UNC13C: variants seen among roughly 807,000 people sequenced by gnomAD.
The protein encoded by UNC13C is unc-13 homolog C.
Under a neutral mutation model 245.4 loss-of-function variants are expected in UNC13C, and 174 were observed. The ratio of observed to expected loss-of-function variants is 0.71; its 90% CI spans 0.63 to 0.80. UNC13C has a LOEUF of 0.80. Among genes scored for constraint, UNC13C ranks in the 30% least tolerant of loss-of-function variants. The pLI is 0.00. For synonymous variants in UNC13C, 992 were observed against 895.1 expected, an observed-to-expected ratio of 1.11 and a Z score of -1.93; for missense variants, 2,829 against 2,602.9, an observed-to-expected ratio of 1.09 and a Z score of -1.89.
the UNC13C span, among the ~76,000 whole-genome samples, chr15:53,960,536 A>T: frequency 6.6e-6 from 1 of 152,076 alleles, no homozygotes; most frequent in Non-Finnish European, 1.5e-5. Context: ...TGTACATATG[A>T]ATTATGACAA....
At chr15:54,477,569 T>C (rs1241784218) in intron 19 of UNC13C, among the ~76,000 whole-genome samples, 1 of 114,066 alleles carries the variant, frequency 8.8e-6, no homozygotes, top group African/African-American at 3.2e-5. Flanking sequence ...GAGATAATCA[T>C]GTGGTTTTTG....
intron 27 of UNC13C, among the ~76,000 whole-genome samples, chr15:54,548,761 A>G (rs894554918): frequency 1.1e-4 from 16 of 152,164 alleles, no homozygotes; most frequent in African/African-American, 2.7e-4. Flanking sequence ...AAAGCTTACC[A>G]TCACCTAAAA....
In UNC13C at chr15:54,178,037, T is replaced by A. The variant is rs546420540; in HGVS notation, c.3071+34353T>A. On this transcript the variant is annotated intron_variant, in intron 4 of 32. Transcript: ENST00000260323. ...ATTTTTTATAAAAATAAAAACACTATACCCTACTTTCCTCTATCTTTCCCT... is the reference window on the plus strand; with the variant it reads ...ATTTTTTATAAAAATAAAAACACTAAACCCTACTTTCCTCTATCTTTCCCT... Among the ~76,000 whole-genome samples, 3 of 152,310 alleles carry A rather than the reference T, an allele frequency of 2.0e-5. No homozygotes were observed. The South Asian group carries it at 6.2e-4, about 32-fold the overall frequency.
chr15:53,903,064 G>A, the UNC13C span, among the ~76,000 whole-genome samples: 2 of 152,164 alleles, frequency 1.3e-5, no homozygotes, highest in Non-Finnish European at 2.9e-5. Context: ...ATAAAGACAA[G>A]ATAATGCCAA....
At chr15:54,189,047 A>T (rs2034091309) in intron 4 of UNC13C, among the ~76,000 whole-genome samples, 1 of 152,188 alleles carries the variant, frequency 6.6e-6, no homozygotes, top group Admixed American at 6.5e-5. Flanking sequence ...ATTCTCCTAC[A>T]AAAGTCAACT....
At chr15:54,404,959 T>C (rs2040262855) in intron 18 of UNC13C, among the ~76,000 whole-genome samples, 1 of 152,186 alleles carries the variant, frequency 6.6e-6, no homozygotes, top group Non-Finnish European at 1.5e-5. Context: ...ACCTAGTAAG[T>C]ACAAATATAA....
intron 30 of UNC13C, among the ~76,000 whole-genome samples, chr15:54,611,041 A>T (rs1366635091): frequency 6.6e-6 from 1 of 152,214 alleles, no homozygotes; most frequent in Non-Finnish European, 1.5e-5. Flanking sequence ...AATCACAGGG[A>T]TACACGATGA....
At chr15:54,229,541 T>C (rs2035490370) in intron 4 of UNC13C, among the ~76,000 whole-genome samples, 1 of 152,202 alleles carries the variant, frequency 6.6e-6, no homozygotes, top group African/African-American at 2.4e-5. Flanking sequence ...CATGTACAGC[T>C]TTATATTTTG....
intron 23 of UNC13C, among the ~76,000 whole-genome samples, chr15:54,507,622 A>G (rs1894531827): frequency 6.6e-6 from 1 of 152,098 alleles, no homozygotes; most frequent in Admixed American, 6.5e-5. Flanking sequence ...AACAATGCTG[A>G]TTTCTATTCT....
intron 30 of UNC13C, among the ~76,000 whole-genome samples, chr15:54,604,985 C>T (rs920662176): frequency 6.6e-6 from 1 of 152,072 alleles, no homozygotes; most frequent in African/African-American, 2.4e-5. Flanking sequence ...AAAAACAGCT[C>T]TGTTCTGTGT....
chr15:54,216,319 A>G lies in UNC13C; in HGVS notation c.3072-18711A>G, dbSNP rs567293850. Among the ~76,000 whole-genome samples the G allele has an allele frequency of 2.6e-5, 4 of 151,984 alleles. No homozygotes were observed. The East Asian group carries it at 7.7e-4, about 29-fold the overall frequency. On this transcript the variant is annotated intron_variant, in intron 4 of 32. Coordinates refer to ENST00000260323, the MANE Select transcript of UNC13C (RefSeq NM_001080534.3). The stretch of plus-strand genomic sequence containing the variant: ...AATATAGCATTTTTTAGGTTGCTTC[A>G]ATTCTATAACTCAGATTAGCTGTTA...
At chr15:54,411,202 A>G (rs973879823) in intron 18 of UNC13C, among the ~76,000 whole-genome samples, 9 of 152,004 alleles carry the variant, frequency 5.9e-5, no homozygotes, top group African/African-American at 2.2e-4. Flanking sequence ...TTTTTTCTCT[A>G]TTATTGAGAT....
At chr15:54,032,887 GA>G (rs1363279960) in intron 2 of UNC13C, among the ~76,000 whole-genome samples, 23 of 152,292 alleles carry the variant, frequency 1.5e-4, no homozygotes, top group Admixed American at 1.2e-3. Flanking sequence ...CTCAGGAATG[GA>G]AAACCAAACA....
At chr15:53,919,162 C>T in the UNC13C span, among the ~76,000 whole-genome samples, 1 of 152,200 alleles carries the variant, frequency 6.6e-6, no homozygotes, top group East Asian at 1.9e-4. Context: ...TAGTTTCTGA[C>T]TTAGAACACC....
At chr15:54,293,479 TA>T (rs1470987815) in intron 10 of UNC13C, among the ~76,000 whole-genome samples, 6 of 152,082 alleles carry the variant, frequency 3.9e-5, no homozygotes, top group African/African-American at 1.4e-4. Flanking sequence ...TGTCATTTTG[TA>T]GTCTGTGAAG....
At position 54,549,667 on chromosome 15, in the gene UNC13C, T is replaced by C. The variant is rs149506723; in HGVS notation, c.5853T>C (p.Asp1951=). The change falls in exon 28 of 33, where the codon GAT becomes GAC. Residue 1951 remains aspartate (D), a synonymous_variant. Coordinates refer to ENST00000260323, the MANE Select transcript of UNC13C (RefSeq NM_001080534.3). The part of the protein sequence containing the change: ...GPQMIFIAAK[D]LGQLSKLKEH... ...AGATGATTTTCATTGCAGCTAAAGA[T>C]CTTGGACAATTATCCAAACTGAAGG... 992 of 1,603,716 alleles carry C rather than the reference T, an allele frequency of 6.2e-4. 12 individuals are homozygous for C. In the East Asian group the frequency reaches 0.021, roughly 35 times the overall value.
chr15:53,944,568 T>C, the UNC13C span, among the ~76,000 whole-genome samples: 1 of 152,222 alleles, frequency 6.6e-6, no homozygotes, highest in Non-Finnish European at 1.5e-5. Flanking sequence ...CCTGCAACCA[T>C]GTTCTTGCAA....
At chr15:54,376,047 T>C (rs372388354) in intron 17 of UNC13C, among the ~76,000 whole-genome samples, 4 of 152,214 alleles carry the variant, frequency 2.6e-5, no homozygotes, top group Non-Finnish European at 5.9e-5. Context: ...AGTCAGAGAC[T>C]GTATTCTTTC....
At chr15:54,420,611 A>G (rs2040620732) in intron 19 of UNC13C, among the ~76,000 whole-genome samples, 1 of 151,900 alleles carries the variant, frequency 6.6e-6, no homozygotes, top group Non-Finnish European at 1.5e-5. Flanking sequence ...GTATAATATT[A>G]GCATATTCTT....
Sources: allele counts gnomAD v4.1 joint callset (sites outside exome capture counted in the v4.1 genomes callset), GRCh38; gene constraint gnomAD v4.1.1; transcripts MANE v1.5; gene names NCBI Gene and HGNC (gene_info 2026-07-23, HGNC 2026-07-21).